CALB2: variants seen among roughly 807,000 people sequenced by gnomAD.
CALB2 encodes the protein calretinin.
Under a neutral mutation model 45.9 loss-of-function variants are expected in CALB2, and 34 were observed. That is an observed-to-expected ratio of 0.74 (90% CI 0.56 to 0.99). CALB2 has a LOEUF of 0.99. Ranked by LOEUF, CALB2 falls within the 50% of genes least tolerant of loss-of-function variation. The pLI is 0.00. For missense variants in CALB2, 344 were observed against 339.3 expected (o/e 1.01, Z -0.11); for synonymous variants, 142 against 129.6 (o/e 1.10, Z -0.65).
intron 5 of CALB2, among the ~76,000 whole-genome samples, 159 bp downstream of exon 5, chr16:71,382,934 G>A (rs142590569): frequency 4.5e-4 from 69 of 152,202 alleles, no homozygotes; most frequent in African/African-American, 1.6e-3. Context: ...GAAGTCAGGG[G>A]AAATCAGTAA....
intron 1 of CALB2, among the ~76,000 whole-genome samples, chr16:71,360,099 C>T (rs1213391043): frequency 6.6e-6 from 1 of 152,192 alleles, no homozygotes; most frequent in Non-Finnish European, 1.5e-5. Context: ...GGAGTTTATC[C>T]TGGGGTCTGA....
intron 5 of CALB2, among the ~76,000 whole-genome samples, 174 bp downstream of exon 5, chr16:71,382,949 G>C (rs1419172341): frequency 6.6e-6 from 1 of 151,680 alleles, no homozygotes; most frequent in Non-Finnish European, 1.5e-5. Flanking sequence ...CAGTAACATA[G>C]AGCTGCCAGG....
intron 4 of CALB2, among the ~76,000 whole-genome samples, chr16:71,380,477 T>A (rs2042478379): frequency 6.6e-6 from 1 of 151,308 alleles, no homozygotes; most frequent in Non-Finnish European, 1.5e-5. Context: ...TCCGGTGAAT[T>A]TTGTATTTTT....
rs769689206 is a variant in CALB2, at chr16:71,377,645, G to A, written c.262-22G>A. 4 of 1,584,416 alleles carry A rather than the reference G, an allele frequency of 2.5e-6. No homozygotes were observed. The East Asian group carries it at 6.7e-5, about 27-fold the overall frequency. ...TGTCAAGTCCCTCCATAACGTTAGT[G>A]TCGCTCTCTGTATCTTCACAGCTGG... is the stretch of plus-strand genomic sequence containing the variant. On this transcript the variant is annotated intron_variant, in intron 3 of 10. Coordinates refer to ENST00000302628, the MANE Select transcript of CALB2 (RefSeq NM_001740.5).
chr16:71,389,202 A>T (rs922749120), intron 10 of CALB2, among the ~76,000 whole-genome samples: 4 of 151,900 alleles, frequency 2.6e-5, no homozygotes, highest in Non-Finnish European at 4.4e-5. Flanking sequence ...TAAAAAAAAT[A>T]AAAAAAATTC....
intron 1 of CALB2, among the ~76,000 whole-genome samples, chr16:71,362,837 A>C (rs1016686608): frequency 1.3e-5 from 2 of 152,206 alleles, no homozygotes; most frequent in African/African-American, 4.8e-5. Context: ...AGCACTTGAA[A>C]ATTTTACAAG....
In CALB2 at chr16:71,389,844, C is replaced by G. The variant is rs753976475; in HGVS notation, c.795C>G (p.Leu265=). 1.9e-6 allele frequency: 3 copies of G among 1,613,344 alleles called. No individual in the cohort carries two copies. Among genetic ancestry groups the G allele is most frequent in the Non-Finnish European group, 2.5e-6 (3 of 1,179,658 alleles). Residue 265 remains leucine (L), a synonymous_variant, in exon 11 of 11, where the codon CTC becomes CTG. Transcript: ENST00000302628. ...ACCGCAAGGACCTGGAGATTGTGCTCTGCAGCGAGCCCCCCATGTAAAGTG... is the reference window on the plus strand; with the variant it reads ...ACCGCAAGGACCTGGAGATTGTGCTGTGCAGCGAGCCCCCCATGTAAAGTG... ...KLYRKDLEIV[L]CSEPPM
intron 6 of CALB2, among the ~76,000 whole-genome samples, 190 bp from the exon 7 acceptor site, chr16:71,383,780 C>T (rs113235949): frequency 7.9e-5 from 12 of 152,174 alleles, no homozygotes; most frequent in Non-Finnish European, 1.3e-4. Flanking sequence ...GAGCAGTGAA[C>T]GAGTCCCTGT....
intron 10 of CALB2, chr16:71,389,435 T>G (rs1313314396): frequency 4.0e-6 from 2 of 504,602 alleles, no homozygotes; most frequent in Non-Finnish European, 7.8e-6. Flanking sequence ...GTGGCTTATA[T>G]TCATTCCCTC....
chr16:71,363,915 ACCT>A (rs2042256996), intron 1 of CALB2, among the ~76,000 whole-genome samples: 1 of 152,042 alleles, frequency 6.6e-6, no homozygotes, highest in South Asian at 2.1e-4. Context: ...CTGTTAGTGA[ACCT>A]CTGGGGGTCT....
At chr16:71,379,246 C>T (rs2042455492) in intron 4 of CALB2, among the ~76,000 whole-genome samples, 2 of 151,546 alleles carry the variant, frequency 1.3e-5, no homozygotes, top group African/African-American at 4.9e-5. Context: ...CACTGCACTC[C>T]AGCCTGGGCG....
intron 3 of CALB2, 93 bp downstream of exon 3, chr16:71,374,927 T>G: frequency 2.3e-6 from 2 of 853,280 alleles, no homozygotes; most frequent in Non-Finnish European, 3.8e-6. Context: ...AGGATTGGAG[T>G]GAGGTGGGGG....
Position 71,358,746 on chromosome 16 carries a change from G to C in CALB2, c.-47G>C, listed in dbSNP as rs534959638. Reference sequence around the variant, plus strand: ...CCAGCGCGAGTGCCAGAGCCCAGCCGGCGCGGAGCGGGAGCGGTGCAGGCT... The same window carrying C: ...CCAGCGCGAGTGCCAGAGCCCAGCCCGCGCGGAGCGGGAGCGGTGCAGGCT... On this transcript the variant is annotated 5_prime_UTR_variant, in exon 1 of 11. Coordinates refer to ENST00000302628, the MANE Select transcript of CALB2 (RefSeq NM_001740.5). 2.4e-5 allele frequency: 36 copies of C among 1,473,428 alleles called. No individual in the cohort carries two copies. The East Asian group carries it at 2.9e-4, about 12-fold the overall frequency. 91.3% of individuals were successfully genotyped at this position (1,473,428 alleles called of 1,614,324 possible). A position where few individuals can be genotyped will look rare whatever the true frequency, so the allele number is the denominator to read the frequency against.
intron 3 of CALB2, among the ~76,000 whole-genome samples, chr16:71,376,214 G>C (rs907072545): frequency 7.9e-5 from 12 of 152,168 alleles, no homozygotes; most frequent in Non-Finnish European, 1.3e-4. Flanking sequence ...GCAGCCACGG[G>C]TGGTATGTCA....
intron 2 of CALB2, among the ~76,000 whole-genome samples, chr16:71,372,580 A>T (rs746450745): frequency 6.6e-5 from 10 of 152,262 alleles, no homozygotes; most frequent in African/African-American, 2.2e-4. Context: ...ATGATTCCAG[A>T]TTGGATGCCC....
chr16:71,385,630 G>C lies in CALB2; in HGVS notation c.681G>C (p.Leu227=), dbSNP rs763346242. ...AGCTGGATGCCCTTTTGAAGGATCT[G>C]TACGAGAAAAACAAAAAGGTGAGCA... ...EHELDALLKD[L]YEKNKKEMNI... The change falls in exon 10 of 11, where the codon CTG becomes CTC. Residue 227 remains leucine, a synonymous_variant. Transcript: ENST00000302628. The C allele has an allele frequency of 1.2e-6, 2 of 1,613,908 alleles. No individual in the cohort carries two copies. The highest frequency in any genetic ancestry group is 1.7e-6 in the Non-Finnish European group (2 of 1,179,972).
intron 1 of CALB2, 42 bp downstream of exon 1, chr16:71,358,928 G>A: frequency 1.3e-6 from 2 of 1,565,494 alleles, no homozygotes; most frequent in Non-Finnish European, 1.8e-6. Context: ...GGCACCCAGG[G>A]GACCTGCGGT....
At chr16:71,386,702 A>G (rs1211651394) in intron 10 of CALB2, among the ~76,000 whole-genome samples, 1 of 152,204 alleles carries the variant, frequency 6.6e-6, no homozygotes, top group East Asian at 1.9e-4. Flanking sequence ...TAATTAGACA[A>G]TGAAAGCTCT....
At chr16:71,384,665 A>AT (rs371164468) in intron 8 of CALB2, 118 bp from the exon 9 acceptor site, 1 of 484,808 alleles carries the variant, frequency 2.1e-6, no homozygotes, top group African/African-American at 3.3e-5. Flanking sequence ...CACACCACAC[A>AT]CACAACACAC....
Sources: gnomAD v4.1 joint callset for allele counts (sites outside exome capture counted in the v4.1 genomes callset) on GRCh38, gnomAD v4.1.1 for gene constraint, MANE v1.5 for transcripts, NCBI Gene and HGNC (gene_info 2026-07-23, HGNC 2026-07-21) for gene names.